The following MALRD1 variants were observed in gnomAD, a reference collection of about 807,000 sequenced individuals.
MALRD1 encodes the protein MAM and LDL-receptor class A domain-containing protein 1.
MALRD1 carries 247 observed loss-of-function variants against 242.1 expected under a neutral mutation model. The ratio of observed to expected loss-of-function variants is 1.02; its 90% CI spans 0.92 to 1.13. The LOEUF (loss-of-function observed/expected upper bound fraction) is 1.13. Among genes scored for constraint, MALRD1 ranks in the 50% most tolerant of loss-of-function variants. The probability of loss-of-function intolerance (pLI) is 0.00; values close to 1 mark genes in which losing one functional copy is unlikely to be tolerated. For missense variants in MALRD1, 2,989 were observed against 2,533.1 expected (o/e 1.18, Z -3.86); for synonymous variants, 995 against 866.6 (o/e 1.15, Z -2.60).
At chr10:19,068,100 G>C (rs1835035022) in intron 2 of MALRD1, among the ~76,000 whole-genome samples, 1 of 152,044 alleles carries the variant, frequency 6.6e-6, no homozygotes, top group Non-Finnish European at 1.5e-5. Flanking sequence ...CAGTCTTACA[G>C]ATTGCTGATT....
intron 26 of MALRD1, among the ~76,000 whole-genome samples, chr10:19,383,307 G>C (rs1173686921): frequency 6.6e-6 from 1 of 152,084 alleles, no homozygotes; most frequent in Non-Finnish European, 1.5e-5. Context: ...TACGGTATTG[G>C]CTTTCTGTTC....
chr10:19,645,833 C>G (rs1445939076), intron 36 of MALRD1, among the ~76,000 whole-genome samples: 1 of 151,996 alleles, frequency 6.6e-6, no homozygotes, highest in Admixed American at 6.6e-5. Context: ...ACATATGTAA[C>G]AAACCTGCAC....
At chr10:19,253,485 G>A (rs1839382679) in intron 18 of MALRD1, among the ~76,000 whole-genome samples, 1 of 151,830 alleles carries the variant, frequency 6.6e-6, no homozygotes, top group African/African-American at 2.4e-5. Context: ...TGTCTTTTGG[G>A]ATTCAGAGGA....
intron 2 of MALRD1, among the ~76,000 whole-genome samples, chr10:19,083,962 C>T (rs1235030227): frequency 1.3e-5 from 2 of 151,864 alleles, no homozygotes; most frequent in African/African-American, 4.8e-5. Context: ...TCAGAGATCT[C>T]TATTCTGGTG....
At chr10:19,287,756 A>G (rs1352512964) in intron 21 of MALRD1, among the ~76,000 whole-genome samples, 12 of 152,152 alleles carry the variant, frequency 7.9e-5, no homozygotes, top group Admixed American at 7.2e-4. Context: ...TGTTGAGGTG[A>G]AGACAACTCA....
chr10:19,586,575 C>T (rs1298300198), intron 33 of MALRD1, among the ~76,000 whole-genome samples: 3 of 152,228 alleles, frequency 2.0e-5, no homozygotes, highest in Non-Finnish European at 4.4e-5. Context: ...AGGAAGCAGT[C>T]TGCCCGTTCT....
chr10:19,187,932 T>C (rs1201539677), intron 14 of MALRD1, among the ~76,000 whole-genome samples: 1 of 152,182 alleles, frequency 6.6e-6, no homozygotes, highest in African/African-American at 2.4e-5. Context: ...AATATGCACA[T>C]GTATTCACTA....
intron 2 of MALRD1, among the ~76,000 whole-genome samples, chr10:19,071,399 G>A (rs1835143592): frequency 6.6e-6 from 1 of 151,736 alleles, no homozygotes; most frequent in Admixed American, 6.6e-5. Context: ...AGGCCCAGGA[G>A]AGAGCAGTCC....
At chr10:19,369,509 T>C (rs1410950158) in intron 26 of MALRD1, among the ~76,000 whole-genome samples, 1 of 149,002 alleles carries the variant, frequency 6.7e-6, no homozygotes, top group African/African-American at 2.4e-5. Flanking sequence ...TGTGCGTTTA[T>C]ATATAAATTT....
chr10:19,361,842 A>G (rs1293635163), intron 26 of MALRD1, among the ~76,000 whole-genome samples: 1 of 152,066 alleles, frequency 6.6e-6, no homozygotes, highest in Non-Finnish European at 1.5e-5. Flanking sequence ...TTAAACCCTG[A>G]CTAACCCCAG....
At chr10:19,565,343 A>G (rs532157437) in intron 32 of MALRD1, among the ~76,000 whole-genome samples, 2 of 152,320 alleles carry the variant, frequency 1.3e-5, no homozygotes, top group South Asian at 4.1e-4. Context: ...AACCAATAAA[A>G]ATAGACACAT....
chr10:19,692,803 A>G (rs905316166), intron 38 of MALRD1, among the ~76,000 whole-genome samples: 1 of 146,444 alleles, frequency 6.8e-6, no homozygotes, highest in Non-Finnish European at 1.5e-5. Context: ...GGGCGTATAT[A>G]TATATATATG....
rs1472351996 is a variant in MALRD1, at chr10:19,460,027, A to T, written c.5029+9537A>T. Among the ~76,000 whole-genome samples the T allele has an allele frequency of 2.0e-5, 3 of 152,212 alleles. 1 individual carries two copies. The highest frequency in any genetic ancestry group is 3.9e-4 in the East Asian group (2 of 5,180). On this transcript the variant is annotated intron_variant, in intron 29 of 39. Transcript: ENST00000454679. ...TGTTTCAATGACAATGAAAATTTTC[A>T]TATTTAGGATCTAGGTCAGTAGGAC...
intron 31 of MALRD1, among the ~76,000 whole-genome samples, chr10:19,514,977 A>T (rs1478789325): frequency 1.3e-5 from 2 of 152,122 alleles, no homozygotes; most frequent in Non-Finnish European, 2.9e-5. Flanking sequence ...TCACACATAA[A>T]ATATCTGTCC....
intron 39 of MALRD1, 146 bp from the exon 40 acceptor site, chr10:19,734,011 G>T (rs1835395971): frequency 1.7e-6 from 1 of 604,608 alleles, no homozygotes; most frequent in African/African-American, 1.9e-5. Context: ...TGGGCTGTAG[G>T]TGCTGGAAGA....
intron 15 of MALRD1, 58 bp downstream of exon 15, chr10:19,203,938 G>T: frequency 6.5e-7 from 1 of 1,536,348 alleles, no homozygotes. Flanking sequence ...TTAGACTTCA[G>T]AAGAGAAAGG....
At chr10:19,659,498 T>C (rs1049449688) in intron 36 of MALRD1, among the ~76,000 whole-genome samples, 8 of 152,164 alleles carry the variant, frequency 5.3e-5, no homozygotes, top group African/African-American at 1.7e-4. Context: ...CACTGATATA[T>C]AGATAACCTT....
At chr10:19,359,930 C>A (rs1169980784) in intron 26 of MALRD1, among the ~76,000 whole-genome samples, 3 of 152,170 alleles carry the variant, frequency 2.0e-5, no homozygotes, top group African/African-American at 7.2e-5. Flanking sequence ...ATGGCCCTTG[C>A]AAATGCCATG....
chr10:19,171,620 CTA>C (rs1459012326), intron 13 of MALRD1, among the ~76,000 whole-genome samples: 3 of 122,222 alleles, frequency 2.5e-5, no homozygotes, highest in Non-Finnish European at 5.4e-5. Flanking sequence ...ACATATATGT[CTA>C]TGTGTGTATA....
Sources: allele counts gnomAD v4.1 joint callset (sites outside exome capture counted in the v4.1 genomes callset), GRCh38; gene constraint gnomAD v4.1.1; transcripts MANE v1.5; gene names NCBI Gene and HGNC (gene_info 2026-07-23, HGNC 2026-07-21).